The following HSF5 variants were observed in gnomAD, a reference collection of about 807,000 sequenced individuals.
HSF5 encodes heat shock transcription factor 5, also known as heat shock factor protein 5.
A neutral mutation model predicts 50.8 loss-of-function variants in HSF5; 5 were observed. The ratio of observed to expected loss-of-function variants is 0.10; its 90% CI spans 0.05 to 0.21. HSF5 has a LOEUF of 0.21. Ranked by LOEUF, HSF5 falls within the 10% of genes least tolerant of loss-of-function variation. The probability of loss-of-function intolerance (pLI) is 1.00; values close to 1 mark genes in which losing one functional copy is unlikely to be tolerated. For missense variants in HSF5, 564 were observed against 762.6 expected (o/e 0.74, Z 3.07); for synonymous variants, 307 against 307.4 (o/e 1.00, Z 0.02).
In HSF5 at chr17:58,487,978, G is replaced by A. The variant is rs768997029; in HGVS notation, c.297C>T (p.Gly99=). The change falls in exon 1 of 6, where the codon GGC becomes GGT. Residue 99 remains glycine, a synonymous_variant. Coordinates refer to ENST00000323777, the MANE Select transcript of HSF5 (RefSeq NM_001080439.3). The part of the protein sequence containing the change: ...FRKVVLGGPG[G]GKPAGNGPLH... Reference sequence around the variant, plus strand: ...GCGGCCCATTGCCTGCCGGTTTGCCGCCCCCCGGCCCGCCCAGCACCACCT... The same window carrying A: ...GCGGCCCATTGCCTGCCGGTTTGCCACCCCCCGGCCCGCCCAGCACCACCT... 9 of 1,610,630 alleles carry A rather than the reference G, an allele frequency of 5.6e-6. No homozygotes were observed. The highest frequency in any genetic ancestry group is 5.4e-5 in the African/African-American group (4 of 74,728).
chr17:58,451,654 G>A (rs1041841254), intron 5 of HSF5, among the ~76,000 whole-genome samples: 8 of 152,076 alleles, frequency 5.3e-5, no homozygotes, highest in African/African-American at 1.9e-4. Context: ...AAGTGGAAAT[G>A]CAACTACCAA....
chr17:58,453,238 A>G (rs1188114806), intron 5 of HSF5, among the ~76,000 whole-genome samples: 1 of 152,172 alleles, frequency 6.6e-6, no homozygotes, highest in Non-Finnish European at 1.5e-5. Flanking sequence ...CACAACAACA[A>G]AAAAAGAAAA....
At position 58,432,234 on chromosome 17, in the gene HSF5, C is replaced by T. The variant is rs576508760; in HGVS notation, c.1721-9804G>A. ...GGTAATATTCTAGGTCCTGGGGATA[C>T]AACAATGGGTAAAACAACCACAGAG... On this transcript the variant is annotated intron_variant, in intron 5 of 5. Coordinates refer to ENST00000323777, the MANE Select transcript of HSF5 (RefSeq NM_001080439.3). Among the ~76,000 whole-genome samples, 12 of 151,956 alleles carry T rather than the reference C, an allele frequency of 7.9e-5. No homozygotes were observed. In the South Asian group the frequency reaches 2.3e-3, roughly 29 times the overall value.
intron 5 of HSF5, among the ~76,000 whole-genome samples, chr17:58,448,196 G>GA (rs952440230): frequency 2.0e-5 from 3 of 146,448 alleles, no homozygotes; most frequent in South Asian, 2.2e-4. Flanking sequence ...AGTCAGAGGA[G>GA]AAAAAAAGAA....
At chr17:58,464,326 G>A (rs1421917607) in intron 3 of HSF5, among the ~76,000 whole-genome samples, 1 of 152,202 alleles carries the variant, frequency 6.6e-6, no homozygotes, top group Non-Finnish European at 1.5e-5. Flanking sequence ...CCTGTGAAAT[G>A]TGATAATCTC....
chr17:58,431,166 T>G (rs191603694), intron 5 of HSF5, among the ~76,000 whole-genome samples: 50 of 152,350 alleles, frequency 3.3e-4, no homozygotes, highest in African/African-American at 1.2e-3. Flanking sequence ...CCACCATGAT[T>G]GTGAGGCCTC....
At chr17:58,422,677 C>T (rs1215991074) in intron 5 of HSF5, among the ~76,000 whole-genome samples, 1 of 148,620 alleles carries the variant, frequency 6.7e-6, no homozygotes, top group African/African-American at 2.5e-5. Context: ...AGCCAAGACT[C>T]TTTTCACCTC....
In HSF5 at chr17:58,466,920, T is replaced by C. The variant is rs372017544; in HGVS notation, c.985A>G (p.Thr329Ala). 5.0e-6 allele frequency: 8 copies of C among 1,610,378 alleles called. No individual in the cohort carries two copies. The highest frequency in any genetic ancestry group is 2.7e-5 in the African/African-American group (2 of 74,842). Reference protein sequence around the residue: ...MDALSSCVTPTASSYAHCNYF... With the variant: ...MDALSSCVTPAASSYAHCNYF... ...TTGCAGTGTGCATAGGAAGAGGCAG[T>C]GGGAGTGACACAACTACTTAGAGCA... Residue 329 changes from threonine to alanine, a missense_variant, in exon 3 of 6, where the codon ACT becomes GCT. By Grantham distance (58) the Thr-to-Ala change is moderately conservative. Coordinates refer to ENST00000323777, the MANE Select transcript of HSF5 (RefSeq NM_001080439.3).
chr17:58,459,511 G>A (rs750512455), intron 4 of HSF5, among the ~76,000 whole-genome samples: 7 of 152,008 alleles, frequency 4.6e-5, no homozygotes, highest in Admixed American at 3.3e-4. Context: ...GCCGGGCGTG[G>A]TAGCAGGTGC....
At chr17:58,446,527 C>T (rs1216901428) in intron 5 of HSF5, among the ~76,000 whole-genome samples, 1 of 152,176 alleles carries the variant, frequency 6.6e-6, no homozygotes, top group Admixed American at 6.5e-5. Context: ...CATGCCAGTG[C>T]CCATGGAAGG....
chr17:58,461,735 G>A (rs777078320), intron 4 of HSF5, among the ~76,000 whole-genome samples: 1 of 151,972 alleles, frequency 6.6e-6, no homozygotes, highest in Non-Finnish European at 1.5e-5. Flanking sequence ...AGCTGGACAT[G>A]GTGGCTCGCC....
chr17:58,433,910 G>GTTTTTTTTTT (rs1974393419), intron 5 of HSF5, among the ~76,000 whole-genome samples: 8 of 55,280 alleles, frequency 1.4e-4, no homozygotes, highest in African/African-American at 7.2e-4. Flanking sequence ...AGGTCAAAGG[G>GTTTTTTTTTT]ATTTTTTTTT....
chr17:58,486,771 G>A (rs1416864320), intron 1 of HSF5, among the ~76,000 whole-genome samples: 1 of 152,106 alleles, frequency 6.6e-6, no homozygotes, highest in Non-Finnish European at 1.5e-5. Flanking sequence ...GATGATTGTC[G>A]TAGCACTTCT....
At position 58,437,569 on chromosome 17, in the gene HSF5, T is replaced by C. The variant is rs190294173; in HGVS notation, c.1721-15139A>G. 5.8e-4 allele frequency among the ~76,000 whole-genome samples: 88 copies of C among 152,326 alleles called. 1 individual carries two copies. The highest frequency in any genetic ancestry group is 5.8e-3 in the Admixed American group (88 of 15,294). On this transcript the variant is annotated intron_variant, in intron 5 of 5. Coordinates refer to ENST00000323777, the MANE Select transcript of HSF5 (RefSeq NM_001080439.3). ...ATTCTATCTTCTGAGAGATAACTAGTGTTATATTTATCAGCTATATCGTAT... is the reference window on the plus strand; with the variant it reads ...ATTCTATCTTCTGAGAGATAACTAGCGTTATATTTATCAGCTATATCGTAT...
intron 2 of HSF5, chr17:58,476,176 ATCTTCATCT>A (rs918965249): frequency 3.1e-5 from 31 of 995,374 alleles, no homozygotes; most frequent in African/African-American, 2.1e-4. Flanking sequence ...CTTCATCATC[ATCTTCATCT>A]TCTTCATCTT....
In HSF5 at chr17:58,421,584, T is replaced by C. The variant is rs994185184; in HGVS notation, c.*776A>G. ...CTATCAGCATTTATAAATACAATTA[T>C]ATTAAACAAGTTAAATACTTTCTTT... On this transcript the variant is annotated 3_prime_UTR_variant, in exon 6 of 6. Transcript: ENST00000323777. 6.6e-6 allele frequency: 1 copy of C among 152,234 alleles called. No individual in the cohort carries two copies. The highest frequency in any genetic ancestry group is 2.4e-5 in the African/African-American group (1 of 41,456). 9.4% of individuals were successfully genotyped at this position (152,234 alleles called of 1,614,324 possible).
Position 58,466,928 on chromosome 17 carries a change from A to G in HSF5, c.977T>C (p.Val326Ala). 1 of 1,611,910 alleles carries G rather than the reference A, an allele frequency of 6.2e-7. No individual in the cohort carries two copies. Residue 326 changes from valine to alanine, a missense_variant, in exon 3 of 6, where the codon GTC (valine) becomes GCC (alanine). This residue lies in a region of HSF5 where 441 missense variants were observed against 533.6 expected (regional missense o/e 0.83). Transcript: ENST00000323777. ...TGCATAGGAAGAGGCAGTGGGAGTGACACAACTACTTAGAGCATCCATGTG... is the reference window on the plus strand; with the variant it reads ...TGCATAGGAAGAGGCAGTGGGAGTGGCACAACTACTTAGAGCATCCATGTG... ...PTHMDALSSCVTPTASSYAHC... is the reference protein window; with the variant it reads ...PTHMDALSSCATPTASSYAHC...
intron 2 of HSF5, among the ~76,000 whole-genome samples, chr17:58,472,136 C>T (rs1453889094): frequency 3.9e-5 from 6 of 152,088 alleles, no homozygotes; most frequent in South Asian, 2.1e-4. Context: ...GAAGTACAGA[C>T]GTGAGCCACT....
At chr17:58,444,444 C>G (rs1442929239) in intron 5 of HSF5, among the ~76,000 whole-genome samples, 1 of 152,084 alleles carries the variant, frequency 6.6e-6, no homozygotes, top group Non-Finnish European at 1.5e-5. Context: ...AACAAGGGTG[C>G]CAAGCCCACT....
Sources: allele counts gnomAD v4.1 joint callset (sites outside exome capture counted in the v4.1 genomes callset), GRCh38; gene constraint gnomAD v4.1.1; regional missense constraint gnomAD v4.1.1; transcripts MANE v1.5; gene names NCBI Gene and HGNC (gene_info 2026-07-23, HGNC 2026-07-21).